Variants in SPTB observed in about 807,000 individuals in gnomAD.
SPTB encodes the protein spectrin beta chain, erythrocytic.
A neutral mutation model predicts 256.2 loss-of-function variants in SPTB; 45 were observed. The observed-to-expected ratio is 0.18, with a 90% CI of 0.14 to 0.23. The LOEUF (loss-of-function observed/expected upper bound fraction) is 0.23. SPTB is among the 10% of genes least tolerant of loss of function. The pLI, the probability that SPTB is intolerant of heterozygous loss-of-function variation, is 1.00. For synonymous variants in SPTB, 1,231 were observed against 1,243.1 expected (o/e 0.99, Z 0.21); for missense variants, 2,715 against 3,040.4 (o/e 0.89, Z 2.52).
intron 28 of SPTB, 107 bp downstream of exon 28, chr14:64,769,483 G>T: frequency 6.9e-7 from 1 of 1,447,900 alleles, no homozygotes; most frequent in South Asian, 1.2e-5. Flanking sequence ...AGCAAGACAA[G>T]CTCCTCAGAA....
rs1475760455 is a variant in SPTB, at chr14:64,766,859, T to C, written c.6270-58A>G. 8 of 1,588,936 alleles carry C rather than the reference T, an allele frequency of 5.0e-6. No individual in the cohort carries two copies. In the East Asian group the frequency reaches 1.3e-4, roughly 27 times the overall value. On this transcript the variant is annotated intron_variant, in intron 31 of 35. Coordinates refer to ENST00000644917, the MANE Select transcript of SPTB (RefSeq NM_001355436.2). ...GCACCCCTCTGAGGCCAGTGCCTCC[T>C]GCGAGGCCTGGCTTTTCACCTGCGC...
chr14:64,806,694 G>C lies in SPTB; in HGVS notation c.149-1604C>G, dbSNP rs906333127. On this transcript the variant is annotated intron_variant, in intron 2 of 35. Transcript: ENST00000644917. The surrounding 1 kb of genome is among the most constrained non-coding windows in gnomAD (Gnocchi z 4.1). Reference sequence around the variant, plus strand: ...GCAAATATTTACCGTACAACCGTCAGGTGCCAGGCCCTGGGTGGTGGTGGG... The same window carrying C: ...GCAAATATTTACCGTACAACCGTCACGTGCCAGGCCCTGGGTGGTGGTGGG... 1.3e-5 allele frequency among the ~76,000 whole-genome samples: 2 copies of C among 152,110 alleles called. No individual in the cohort carries two copies. The highest frequency in any genetic ancestry group is 4.8e-5 in the African/African-American group (2 of 41,418).
intron 1 of SPTB, among the ~76,000 whole-genome samples, chr14:64,876,448 A>G (rs1882829753): frequency 6.6e-6 from 1 of 152,156 alleles, no homozygotes; most frequent in South Asian, 2.1e-4. Context: ...TCTTGAGCAG[A>G]CAGTAAAATT....
intron 1 of SPTB, among the ~76,000 whole-genome samples, chr14:64,859,714 CTCTCTCTA>C (rs1307938830): frequency 5.0e-3 from 296 of 59,066 alleles, no homozygotes; most frequent in South Asian, 0.02. Context: ...CTCTCTCTCT[CTCTCTCTA>C]TATATATATA....
At position 64,782,483 on chromosome 14, in the gene SPTB, T is replaced by G; in HGVS notation, c.4073A>C (p.His1358Pro). 1 of 1,614,138 alleles carries G rather than the reference T, an allele frequency of 6.2e-7. No homozygotes were observed. The highest frequency in any genetic ancestry group is 8.5e-7 in the Non-Finnish European group (1 of 1,180,032). Residue 1358 changes from histidine to proline, a missense_variant, in exon 20 of 36, where the codon CAC becomes CCC. Around this residue, in one of 4 missense-constraint regions of SPTB, gnomAD observed 2,239 missense variants for 2,384.4 expected, o/e 0.94. Transcript: ENST00000644917. ...ALVSQKLEAL[H>P]RLWDELQATT... is the part of the protein sequence containing the mutation. ...GGCCTGCAGCTCGTCCCAGAGCCGG[T>G]GCAGGGCTTCCAGCTTTTGGGACAC... is the stretch of plus-strand genomic sequence containing the variant.
Position 64,807,621 on chromosome 14 carries a change from G to A in SPTB, c.149-2531C>T, listed in dbSNP as rs2083008595. Among the ~76,000 whole-genome samples, 1 of 152,226 alleles carries A rather than the reference G, an allele frequency of 6.6e-6. No individual in the cohort carries two copies. The highest frequency in any genetic ancestry group is 2.1e-4 in the South Asian group (1 of 4,830). ...GAGAGGCTAATGATGATTGGAAGGG[G>A]AGAAAAGGCCCCAAGGTGAGAGGCA... On this transcript the variant is annotated intron_variant, in intron 2 of 35. Coordinates refer to ENST00000644917, the MANE Select transcript of SPTB (RefSeq NM_001355436.2). The surrounding 1 kb of genome is among the most constrained non-coding windows in gnomAD (Gnocchi z 4.7).
chr14:64,802,076 A>C lies in SPTB; in HGVS notation c.566+150T>G. The C allele has an allele frequency of 1.1e-6, 1 of 906,562 alleles. No individual in the cohort carries two copies. The highest frequency in any genetic ancestry group is 1.8e-6 in the Non-Finnish European group (1 of 561,164). The allele number at this position is 906,562 out of a possible 1,614,324, so 56.2% of individuals were successfully genotyped here. On this transcript the variant is annotated intron_variant, in intron 5 of 35. Transcript: ENST00000644917. This position sits in a 1 kb window ranked among gnomAD's most constrained non-coding sequence, Gnocchi z 5.1. The stretch of plus-strand genomic sequence containing the variant: ...AAGAATCCTGTATTCCAGGCCTCAA[A>C]GAATCAGGTCAGGACAGACTTTGCA...
intron 29 of SPTB, 144 bp from the exon 30 acceptor site, chr14:64,768,003 G>T: frequency 1.1e-6 from 1 of 872,684 alleles, no homozygotes; most frequent in Non-Finnish European, 1.8e-6. Context: ...GCTGCCTGCA[G>T]CCACCCCATT....
At chr14:64,791,114 T>C (rs971598662) in intron 15 of SPTB, among the ~76,000 whole-genome samples, 13 of 152,294 alleles carry the variant, frequency 8.5e-5, no homozygotes, top group African/African-American at 2.4e-4. Flanking sequence ...ACACTTGGGA[T>C]GTGCCCTCCA....
chr14:64,838,091 G>A (rs943672128), intron 1 of SPTB, among the ~76,000 whole-genome samples: 13 of 152,176 alleles, frequency 8.5e-5, no homozygotes, highest in African/African-American at 3.1e-4. Flanking sequence ...CAACGGAATA[G>A]AGTCCAGAGA....
intron 1 of SPTB, among the ~76,000 whole-genome samples, chr14:64,877,185 G>A (rs1335549487): frequency 6.6e-6 from 1 of 151,056 alleles, no homozygotes; most frequent in African/African-American, 2.4e-5. Flanking sequence ...TTTGACTCCT[G>A]CCAAAATTAT....
chr14:64,873,985 T>C lies in SPTB; in HGVS notation c.-52+5807A>G, dbSNP rs1882684492. The stretch of plus-strand genomic sequence containing the variant: ...TCTGTGATCATCATCTTGTACTGGC[T>C]GGGATCTAATTCACTTTCTCTTCAC... On this transcript the variant is annotated intron_variant, in intron 1 of 35. Coordinates refer to ENST00000644917, the MANE Select transcript of SPTB (RefSeq NM_001355436.2). The surrounding 1 kb of genome is among the most constrained non-coding windows in gnomAD (Gnocchi z 4.3). 6.6e-6 allele frequency among the ~76,000 whole-genome samples: 1 copy of C among 152,218 alleles called. No homozygotes were observed. Among genetic ancestry groups the C allele is most frequent in the Admixed American group, 6.5e-5 (1 of 15,286 alleles).
chr14:64,785,646 GCA>G lies in SPTB; in HGVS notation c.3765-21_3765-20del, dbSNP rs2082551060. 2.5e-6 allele frequency: 4 copies of G among 1,614,000 alleles called. No homozygotes were observed. The highest frequency in any genetic ancestry group is 2.2e-5 in the East Asian group (1 of 44,858). On this transcript the variant is annotated intron_variant, in intron 17 of 35. Coordinates refer to ENST00000644917, the MANE Select transcript of SPTB (RefSeq NM_001355436.2). This position sits in a 1 kb window ranked among gnomAD's most constrained non-coding sequence, Gnocchi z 4.4. ...CCTGTGCCTGGAAAGGAAGCCAAAA[GCA>G]CAGTCACAATAGTGCCGAGCTTGGG...
intron 33 of SPTB, chr14:64,750,392 A>C: frequency 2.0e-6 from 1 of 503,144 alleles, no homozygotes; most frequent in Non-Finnish European, 3.5e-6. Context: ...CTAGTCACAG[A>C]TAGCTAAAAC....
Position 64,746,892 on chromosome 14 carries a change from GAAAAA to G in SPTB, c.*2409_*2413del, listed in dbSNP as rs374341385. On this transcript the variant is annotated 3_prime_UTR_variant, in exon 36 of 36. Coordinates refer to ENST00000644917, the MANE Select transcript of SPTB (RefSeq NM_001355436.2). This position sits in a 1 kb window ranked among gnomAD's most constrained non-coding sequence, Gnocchi z 4.9. ...AAGACTGTAGAGTAGAATAAGGAGA[GAAAAA>G]AAAAAAAAGACCTTGCTAGGGCACT... 7.0e-6 allele frequency: 1 copy of G among 142,050 alleles called. No individual in the cohort carries two copies. Among genetic ancestry groups the G allele is most frequent in the African/African-American group, 2.6e-5 (1 of 38,794 alleles). The allele number at this position is 142,050 out of a possible 1,614,324, so 8.8% of individuals were successfully genotyped here. A position where few individuals can be genotyped will look rare whatever the true frequency, so the allele number is the denominator to read the frequency against.
In SPTB at chr14:64,801,353, T is replaced by C; in HGVS notation, c.695A>G (p.His232Arg). Residue 232 changes from histidine (H) to arginine (R), a missense_variant, in exon 7 of 36, where the codon CAC becomes CGC. By Grantham distance (29) the His-to-Arg change is conservative (BLOSUM62 0). Coordinates refer to ENST00000644917, the MANE Select transcript of SPTB (RefSeq NM_001355436.2). ...FDKLKDSNAR[H>R]NLEHAFNVAE... ...CACATTGAATGCGTGCTCCAGGTTGTGCCGGGCATTGGAGTCCTTCAGCTT... is the reference window on the plus strand; with the variant it reads ...CACATTGAATGCGTGCTCCAGGTTGCGCCGGGCATTGGAGTCCTTCAGCTT... 1 of 1,614,214 alleles carries C rather than the reference T, an allele frequency of 6.2e-7. No individual in the cohort carries two copies. The highest frequency in any genetic ancestry group is 8.5e-7 in the Non-Finnish European group (1 of 1,180,028).
chr14:64,815,347 C>T (rs1207532290), intron 2 of SPTB, among the ~76,000 whole-genome samples: 11 of 152,268 alleles, frequency 7.2e-5, no homozygotes, highest in Admixed American at 6.5e-4. Flanking sequence ...AATAGGGGCC[C>T]GAGGGCTGCA....
At chr14:64,837,780 T>C (rs887999766) in intron 1 of SPTB, among the ~76,000 whole-genome samples, 1 of 152,166 alleles carries the variant, frequency 6.6e-6, no homozygotes, top group Non-Finnish European at 1.5e-5. Flanking sequence ...TTTGTATTTT[T>C]AGTAGAGACA....
At chr14:64,829,281 C>A (rs1389402821) in intron 1 of SPTB, among the ~76,000 whole-genome samples, 1 of 152,192 alleles carries the variant, frequency 6.6e-6, no homozygotes, top group Non-Finnish European at 1.5e-5. Context: ...ATTCTGCAGA[C>A]AACTGACTCA....
Sources: gnomAD v4.1 joint callset for allele counts (sites outside exome capture counted in the v4.1 genomes callset) on GRCh38, gnomAD v4.1.1 for gene constraint, gnomAD v4.1.1 regional missense constraint, Gnocchi (gnomAD v3.1) non-coding constraint, MANE v1.5 for transcripts, NCBI Gene and HGNC (gene_info 2026-07-23, HGNC 2026-07-21) for gene names.